The following RAB31 variants were observed in gnomAD, a reference collection of about 807,000 sequenced individuals.
RAB31 encodes the protein ras-related protein Rab-31.
RAB31 carries 21 observed loss-of-function variants against 25.6 expected under a neutral mutation model. That is an observed-to-expected ratio of 0.82 (90% CI 0.58 to 1.18). The LOEUF (loss-of-function observed/expected upper bound fraction) is 1.18, where lower values mean the gene tolerates loss of function less well. RAB31 is among the 50% of genes most tolerant of loss of function. RAB31 has a pLI of 0.00. For missense variants in RAB31, 196 were observed against 250.1 expected (o/e 0.78, Z 1.46); for synonymous variants, 87 against 84.0 (o/e 1.04, Z -0.20).
chr18:9,777,506 C>T (rs1263585990), intron 2 of RAB31, among the ~76,000 whole-genome samples: 1 of 152,076 alleles, frequency 6.6e-6, no homozygotes, highest in Non-Finnish European at 1.5e-5. Context: ...AACATAGGCG[C>T]GCTTGTATGA....
At chr18:9,723,209 G>A (rs889420511) in intron 1 of RAB31, among the ~76,000 whole-genome samples, 40 of 152,108 alleles carry the variant, frequency 2.6e-4, no homozygotes, top group African/African-American at 8.2e-4. Context: ...CACCATGCCC[G>A]GCTAATTTTT....
intron 1 of RAB31, among the ~76,000 whole-genome samples, chr18:9,771,216 T>C (rs2068343351): frequency 6.6e-6 from 1 of 152,078 alleles, no homozygotes; most frequent in East Asian, 1.9e-4. Context: ...GAAGTTGATT[T>C]AACCTAGTGA....
At chr18:9,733,030 A>C (rs1196825074) in intron 1 of RAB31, among the ~76,000 whole-genome samples, 2 of 152,176 alleles carry the variant, frequency 1.3e-5, no homozygotes, top group Non-Finnish European at 2.9e-5. Flanking sequence ...CTGGATGCTG[A>C]TGTGTTTGGA....
chr18:9,839,684 G>A (rs895898478), intron 5 of RAB31, among the ~76,000 whole-genome samples: 2 of 152,160 alleles, frequency 1.3e-5, no homozygotes, highest in Non-Finnish European at 2.9e-5. Flanking sequence ...GCCCTGAGCA[G>A]CAGCTAGCTA....
intron 3 of RAB31, among the ~76,000 whole-genome samples, chr18:9,803,329 G>C (rs2068523555): frequency 6.6e-6 from 1 of 151,062 alleles, no homozygotes; most frequent in African/African-American, 2.4e-5. Flanking sequence ...TTGACCTCCT[G>C]GACTCAAGCA....
chr18:9,845,661 A>G lies in RAB31; in HGVS notation c.460A>G (p.Ile154Val), dbSNP rs754841539. 7.0e-6 allele frequency: 11 copies of G among 1,563,180 alleles called. No individual in the cohort carries two copies. Among genetic ancestry groups the G allele is most frequent in the South Asian group, 1.2e-5 (1 of 84,280 alleles). ...GGTTGAGACAAGTGCAAAAAATGCT[A>G]TTAATATCGAAGAGCTCTTTCAAGG... is the stretch of plus-strand genomic sequence containing the variant. Reference protein sequence around the residue: ...IVVETSAKNAINIEELFQGIS... With the variant: ...IVVETSAKNAVNIEELFQGIS... Residue 154 changes from isoleucine to valine, a missense_variant, in exon 6 of 7, where the codon ATT (isoleucine) becomes GTT (valine). By Grantham distance (29) the Ile-to-Val change is conservative. Transcript: ENST00000578921.
chr18:9,833,207 G>A (rs1179255246), intron 5 of RAB31, among the ~76,000 whole-genome samples: 1 of 152,252 alleles, frequency 6.6e-6, no homozygotes, highest in Admixed American at 6.5e-5. Context: ...TGTATCCACT[G>A]AGACAGCGCT....
chr18:9,800,484 G>A (rs2068508574), intron 3 of RAB31, among the ~76,000 whole-genome samples: 2 of 152,148 alleles, frequency 1.3e-5, no homozygotes. Context: ...TCCCCATGTT[G>A]GAAAATGGTT....
intron 5 of RAB31, among the ~76,000 whole-genome samples, chr18:9,823,579 G>A (rs985957034): frequency 4.6e-5 from 7 of 151,846 alleles, no homozygotes; most frequent in African/African-American, 1.2e-4. Flanking sequence ...ACGAATCTAC[G>A]GTTATCTCAG....
In RAB31 at chr18:9,708,681, C is replaced by G. The variant is rs1194146492; in HGVS notation, c.39+237C>G. On this transcript the variant is annotated intron_variant, in intron 1 of 6. Transcript: ENST00000578921. This position sits in a 1 kb window ranked among gnomAD's most constrained non-coding sequence, Gnocchi z 6.4. Reference sequence around the variant, plus strand: ...TCCGCACCCCGCCTGTTCTCCGCCTCCCCGCCGTCCGTGCGCCCCTCTGGT... The same window carrying G: ...TCCGCACCCCGCCTGTTCTCCGCCTGCCCGCCGTCCGTGCGCCCCTCTGGT... Among the ~76,000 whole-genome samples, 3 of 151,688 alleles carry G rather than the reference C, an allele frequency of 2.0e-5. No homozygotes were observed. The highest frequency in any genetic ancestry group is 2.9e-5 in the Non-Finnish European group (2 of 67,882).
intron 6 of RAB31, among the ~76,000 whole-genome samples, chr18:9,852,921 C>T (rs2068796451): frequency 6.6e-6 from 1 of 152,114 alleles, no homozygotes; most frequent in African/African-American, 2.4e-5. Flanking sequence ...AAATATTAAC[C>T]ATTCGAAAGG....
intron 1 of RAB31, among the ~76,000 whole-genome samples, chr18:9,730,127 G>A (rs1054641831): frequency 1.3e-5 from 2 of 152,212 alleles, no homozygotes; most frequent in Non-Finnish European, 2.9e-5. Context: ...ATCGCTGTGG[G>A]TGTAGCTAAA....
chr18:9,751,030 C>T (rs1285005237), intron 1 of RAB31, among the ~76,000 whole-genome samples: 11 of 151,880 alleles, frequency 7.2e-5, no homozygotes, highest in African/African-American at 1.9e-4. Context: ...TTTCTTTTTT[C>T]GTTTTTTAAT....
At chr18:9,806,238 T>C (rs1252929920) in intron 3 of RAB31, among the ~76,000 whole-genome samples, 1 of 152,080 alleles carries the variant, frequency 6.6e-6, no homozygotes, top group East Asian at 1.9e-4. Context: ...TGAGCCTCAG[T>C]TTTCTCATCT....
intron 3 of RAB31, among the ~76,000 whole-genome samples, chr18:9,807,063 A>C (rs547861265): frequency 6.6e-6 from 1 of 152,308 alleles, no homozygotes; most frequent in African/African-American, 2.4e-5. Flanking sequence ...TCAAGGCAAG[A>C]CGAACTTTGC....
intron 3 of RAB31, among the ~76,000 whole-genome samples, chr18:9,796,427 T>C (rs1269148790): frequency 1.3e-5 from 2 of 152,152 alleles, no homozygotes; most frequent in Non-Finnish European, 2.9e-5. Flanking sequence ...TGCTAAAATA[T>C]AGCTAAAATA....
intron 4 of RAB31, 114 bp from the exon 5 acceptor site, chr18:9,815,002 T>C: frequency 1.4e-6 from 1 of 713,984 alleles, no homozygotes; most frequent in South Asian, 1.9e-5. Context: ...TTAATCTGCA[T>C]GAGTCTCCTA....
At chr18:9,805,079 C>T (rs2068533188) in intron 3 of RAB31, among the ~76,000 whole-genome samples, 1 of 151,228 alleles carries the variant, frequency 6.6e-6, no homozygotes, top group African/African-American at 2.4e-5. Context: ...TAATGAGACT[C>T]CCATCTCTAC....
At chr18:9,759,941 G>GACT (rs911646172) in intron 1 of RAB31, among the ~76,000 whole-genome samples, 5 of 152,124 alleles carry the variant, frequency 3.3e-5, no homozygotes, top group Admixed American at 1.3e-4. Flanking sequence ...GGGGGCACCA[G>GACT]ACTAAGGTGG....
Sources: allele counts gnomAD v4.1 joint callset (sites outside exome capture counted in the v4.1 genomes callset), GRCh38; gene constraint gnomAD v4.1.1; non-coding constraint Gnocchi (gnomAD v3.1); transcripts MANE v1.5; gene names NCBI Gene and HGNC (gene_info 2026-07-23, HGNC 2026-07-21).